The following FRAS1 variants were observed in gnomAD, a reference collection of about 807,000 sequenced individuals.
FRAS1 encodes the protein extracellular matrix organizing protein FRAS1.
A neutral mutation model predicts 435.2 loss-of-function variants in FRAS1; 290 were observed. The ratio of observed to expected loss-of-function variants is 0.67; its 90% CI spans 0.61 to 0.73. FRAS1 has a LOEUF of 0.73. FRAS1 is among the 30% of genes least tolerant of loss of function. The pLI is 0.00. For missense variants in FRAS1, 4,860 were observed against 5,001.5 expected, an observed-to-expected ratio of 0.97 and a Z score of 0.85; for synonymous variants, 1,800 against 1,851.0, an observed-to-expected ratio of 0.97 and a Z score of 0.71.
At chr4:78,228,741 G>A (rs778460001) in intron 2 of FRAS1, among the ~76,000 whole-genome samples, 4 of 152,166 alleles carry the variant, frequency 2.6e-5, no homozygotes, top group African/African-American at 4.8e-5. Context: ...CTCTGTCACC[G>A]AAAATATCGT....
rs371563770 is a variant in FRAS1, at chr4:78,541,045, C to T, written c.11960C>T (p.Thr3987Met). ...CTGAGTGAGCCTGAGGCGGCTTACA[C>T]GTTCAAAGGTGCTAAAGTCAAAAGA... Reference protein sequence around the residue: ...NILSEPEAAYTFKGAKVKRLN... With the variant: ...NILSEPEAAYMFKGAKVKRLN... The change falls in exon 74 of 74, where the codon ACG (threonine) becomes ATG (methionine). Residue 3987 changes from threonine (T) to methionine (M), a missense_variant. Thr to Met is a moderately conservative substitution (Grantham distance 81). Coordinates refer to ENST00000512123, the MANE Select transcript of FRAS1 (RefSeq NM_025074.7). The T allele has an allele frequency of 3.5e-5, 51 of 1,467,946 alleles. No individual in the cohort carries two copies. The highest frequency in any genetic ancestry group is 3.6e-4 in the Middle Eastern group (2 of 5,504). 90.9% of individuals were successfully genotyped at this position (1,467,946 alleles called of 1,614,324 possible).
intron 2 of FRAS1, among the ~76,000 whole-genome samples, chr4:78,170,905 T>C (rs1011746780): frequency 6.6e-6 from 1 of 152,058 alleles, no homozygotes; most frequent in Non-Finnish European, 1.5e-5. Context: ...CCCTCCTCTC[T>C]CATGAGGAGC....
At chr4:78,423,757 A>G (rs1330018741) in intron 34 of FRAS1, among the ~76,000 whole-genome samples, 1 of 152,228 alleles carries the variant, frequency 6.6e-6, no homozygotes, top group Non-Finnish European at 1.5e-5. Flanking sequence ...TAGTAACTGG[A>G]TAACTAATAG....
chr4:78,505,781 A>C (rs575066847), intron 61 of FRAS1, among the ~76,000 whole-genome samples: 102 of 152,086 alleles, frequency 6.7e-4, no homozygotes, highest in Non-Finnish European at 1.3e-3. Flanking sequence ...GCTGGTGAGG[A>C]GCTGCGATCC....
intron 18 of FRAS1, among the ~76,000 whole-genome samples, chr4:78,320,455 A>G (rs1341347151): frequency 6.6e-6 from 1 of 151,880 alleles, no homozygotes; most frequent in Admixed American, 6.6e-5. Flanking sequence ...GGAAAAAAGC[A>G]TTTTTCTCCT....
At position 78,082,940 on chromosome 4, in the gene FRAS1, C is replaced by G. The variant is rs143940977; in HGVS notation, c.108+16924C>G. Among the ~76,000 whole-genome samples the G allele has an allele frequency of 4.7e-4, 71 of 152,010 alleles. No homozygotes were observed. In the East Asian group the frequency reaches 0.013, roughly 27 times the overall value. ...TCACAATGCTCTTGTGTTTGGTGAC[C>G]CTGAGATGTTAATATACCAGAACAT... On this transcript the variant is annotated intron_variant, in intron 2 of 73. Transcript: ENST00000512123.
intron 2 of FRAS1, among the ~76,000 whole-genome samples, chr4:78,142,498 C>T (rs1720235590): frequency 6.6e-6 from 1 of 151,962 alleles, no homozygotes; most frequent in African/African-American, 2.4e-5. Flanking sequence ...ATAGGTGATA[C>T]AAAAAGATCC....
At chr4:78,060,536 T>C (rs1739709218) in intron 1 of FRAS1, among the ~76,000 whole-genome samples, 1 of 152,220 alleles carries the variant, frequency 6.6e-6, no homozygotes. Context: ...ATGGCTCCTA[T>C]TAATTCTGAT....
At chr4:78,191,902 T>C (rs1464639757) in intron 2 of FRAS1, among the ~76,000 whole-genome samples, 1 of 152,218 alleles carries the variant, frequency 6.6e-6, no homozygotes, top group Non-Finnish European at 1.5e-5. Context: ...TAGTATTCCA[T>C]AGTGTATATG....
chr4:78,365,806 C>CA (rs1231025447), intron 22 of FRAS1, among the ~76,000 whole-genome samples: 1 of 140,716 alleles, frequency 7.1e-6, no homozygotes, highest in African/African-American at 2.7e-5. Context: ...ACCAAAAATA[C>CA]AAAAAGAACT....
chr4:78,517,555 G>T (rs1269675819), intron 66 of FRAS1, among the ~76,000 whole-genome samples: 3 of 152,136 alleles, frequency 2.0e-5, no homozygotes, highest in Admixed American at 6.5e-5. Flanking sequence ...AATTACTGAC[G>T]TATGATAGGA....
intron 10 of FRAS1, among the ~76,000 whole-genome samples, chr4:78,279,241 A>G (rs1727206570): frequency 6.6e-6 from 1 of 152,240 alleles, no homozygotes; most frequent in Admixed American, 6.5e-5. Flanking sequence ...TGGCACGTTC[A>G]AGAAATTGGA....
rs1428717903 is a variant in FRAS1, at chr4:78,057,990, T to C, written c.-20T>C. 9.9e-6 allele frequency: 16 copies of C among 1,613,028 alleles called. No homozygotes were observed. The highest frequency in any genetic ancestry group is 1.3e-5 in the African/African-American group (1 of 74,894). On this transcript the variant is annotated 5_prime_UTR_variant, in exon 1 of 74. Transcript: ENST00000512123. This position sits in a 1 kb window ranked among gnomAD's most constrained non-coding sequence, Gnocchi z 4.2. ...GGATGCTGAAGGCTGGGCTCCTCCA[T>C]CGTGGGTGCCGAGGCGGCGATGGGT... is the stretch of plus-strand genomic sequence containing the variant.
intron 2 of FRAS1, among the ~76,000 whole-genome samples, chr4:78,143,745 A>T (rs539198360): frequency 1.4e-4 from 22 of 151,854 alleles, no homozygotes; most frequent in East Asian, 5.8e-4. Flanking sequence ...AAAATAATAA[A>T]AAAAAAAAAA....
At position 78,226,080 on chromosome 4, in the gene FRAS1, T is replaced by C. The variant is rs115360566; in HGVS notation, c.109-11430T>C. 2.8e-3 allele frequency among the ~76,000 whole-genome samples: 428 copies of C among 152,300 alleles called. 4 individuals are homozygous for C. Among genetic ancestry groups the C allele is most frequent in the African/African-American group, 9.7e-3 (403 of 41,580 alleles). On this transcript the variant is annotated intron_variant, in intron 2 of 73. Transcript: ENST00000512123. ...TTCCTTTAGTGGTTACCCTAGATAT[T>C]ACAATGTGTTAATCATTGTGTTAAA...
chr4:78,065,326 A>G (rs1203657786), intron 1 of FRAS1, among the ~76,000 whole-genome samples: 2 of 151,214 alleles, frequency 1.3e-5, no homozygotes, highest in Non-Finnish European at 2.9e-5. Context: ...CTCTATATGT[A>G]GTACACACAC....
At chr4:78,130,162 A>C (rs1019732183) in intron 2 of FRAS1, among the ~76,000 whole-genome samples, 3 of 148,626 alleles carry the variant, frequency 2.0e-5, no homozygotes, top group African/African-American at 7.3e-5. Context: ...CTGTGACTGC[A>C]TGTAATGCTG....
At chr4:78,098,159 T>C (rs1347360865) in intron 2 of FRAS1, among the ~76,000 whole-genome samples, 1 of 152,062 alleles carries the variant, frequency 6.6e-6, no homozygotes, top group African/African-American at 2.4e-5. Flanking sequence ...ATAGGAGAAG[T>C]TTGTCTTGGG....
In FRAS1 at chr4:78,506,412, C is replaced by T. The variant is rs977963315; in HGVS notation, c.9317-1009C>T. ...GAGCTGTGGTGGGCTCCCCCCAGTTCGAGCTTCCCAGCCGCTTTGTTTACC... is the reference window on the plus strand; with the variant it reads ...GAGCTGTGGTGGGCTCCCCCCAGTTTGAGCTTCCCAGCCGCTTTGTTTACC... On this transcript the variant is annotated intron_variant, in intron 61 of 73. Transcript: ENST00000512123. Among the ~76,000 whole-genome samples, 7 of 152,330 alleles carry T rather than the reference C, an allele frequency of 4.6e-5. No individual in the cohort carries two copies. The East Asian group carries it at 9.7e-4, about 21-fold the overall frequency.
Sources: allele counts gnomAD v4.1 joint callset (sites outside exome capture counted in the v4.1 genomes callset), GRCh38; gene constraint gnomAD v4.1.1; non-coding constraint Gnocchi (gnomAD v3.1); transcripts MANE v1.5; gene names NCBI Gene and HGNC (gene_info 2026-07-23, HGNC 2026-07-21).